Variants in IMMP2L observed in about 807,000 individuals in gnomAD.
IMMP2L encodes inner mitochondrial membrane peptidase subunit 2.
A neutral mutation model predicts 19.3 loss-of-function variants in IMMP2L; 18 were observed. The observed-to-expected ratio is 0.93, with a 90% CI of 0.64 to 1.38. IMMP2L has a LOEUF of 1.38. IMMP2L is among the 40% of genes most tolerant of loss of function. The pLI, the probability that IMMP2L is intolerant of heterozygous loss-of-function variation, is 0.00. For missense variants in IMMP2L, 233 were observed against 218.2 expected, an observed-to-expected ratio of 1.07 and a Z score of -0.43; for synonymous variants, 76 against 73.0, an observed-to-expected ratio of 1.04 and a Z score of -0.21.
intron 5 of IMMP2L, among the ~76,000 whole-genome samples, chr7:110,812,213 C>T (rs1474196331): frequency 1.3e-5 from 2 of 152,008 alleles, no homozygotes; most frequent in Non-Finnish European, 2.9e-5. Flanking sequence ...AACAGATCTG[C>T]CCTAAATTCT....
intron 3 of IMMP2L, among the ~76,000 whole-genome samples, chr7:111,075,774 T>G (rs190400383): frequency 3.3e-5 from 5 of 152,318 alleles, no homozygotes; most frequent in African/African-American, 9.6e-5. Context: ...TGCTGATGAC[T>G]TCTAAATTTA....
intron 3 of IMMP2L, among the ~76,000 whole-genome samples, chr7:111,117,229 C>G (rs940462093): frequency 2.6e-5 from 4 of 152,098 alleles, no homozygotes; most frequent in Non-Finnish European, 5.9e-5. Flanking sequence ...AGTTTACACA[C>G]ATTCAATTGT....
At chr7:110,702,900 T>C (rs1208786625) in intron 5 of IMMP2L, among the ~76,000 whole-genome samples, 1 of 152,166 alleles carries the variant, frequency 6.6e-6, no homozygotes, top group Non-Finnish European at 1.5e-5. Context: ...TCATTTCTTT[T>C]TCTTGTTGTA....
intron 3 of IMMP2L, among the ~76,000 whole-genome samples, chr7:110,984,873 C>A (rs1267171292): frequency 6.6e-6 from 1 of 152,068 alleles, no homozygotes; most frequent in South Asian, 2.1e-4. Flanking sequence ...GCTTTCATAG[C>A]AAAGGGAAAT....
chr7:111,428,358 T>C (rs1836289395), intron 3 of IMMP2L, among the ~76,000 whole-genome samples: 1 of 151,746 alleles, frequency 6.6e-6, no homozygotes, highest in Non-Finnish European at 1.5e-5. Flanking sequence ...AATTGTAATT[T>C]TTTAAAGTAA....
At chr7:111,074,992 C>T (rs1198184419) in intron 3 of IMMP2L, among the ~76,000 whole-genome samples, 8 of 151,408 alleles carry the variant, frequency 5.3e-5, no homozygotes, top group Admixed American at 5.3e-4. Context: ...TCAGCGTGGA[C>T]GGAAAAGATC....
intron 3 of IMMP2L, among the ~76,000 whole-genome samples, chr7:111,422,757 G>T (rs1439166794): frequency 6.6e-6 from 1 of 151,790 alleles, no homozygotes; most frequent in Non-Finnish European, 1.5e-5. Context: ...ACACTACGTT[G>T]AATAGGAGTG....
chr7:110,916,404 T>G (rs985051815), intron 4 of IMMP2L, among the ~76,000 whole-genome samples: 2 of 152,208 alleles, frequency 1.3e-5, no homozygotes, highest in Admixed American at 1.3e-4. Flanking sequence ...TTTCTATGTC[T>G]TCCAACTCTT....
At chr7:111,467,556 A>G (rs923216221) in intron 3 of IMMP2L, among the ~76,000 whole-genome samples, 3 of 151,974 alleles carry the variant, frequency 2.0e-5, no homozygotes, top group African/African-American at 7.3e-5. Flanking sequence ...CAATATGCCA[A>G]CTCCTGAGTT....
chr7:111,111,402 T>TC (rs1554519150), intron 3 of IMMP2L, among the ~76,000 whole-genome samples: 1,166 of 112,590 alleles, frequency 0.01, 4 homozygotes, highest in Middle Eastern at 0.017. Flanking sequence ...CTGCTTTCCA[T>TC]CCCCCCCCAA....
chr7:110,832,287 A>AT (rs1187937832), intron 5 of IMMP2L, among the ~76,000 whole-genome samples: 1 of 151,122 alleles, frequency 6.6e-6, no homozygotes, highest in Admixed American at 6.6e-5. Context: ...ACAAACAAAA[A>AT]AACCCTACTC....
intron 3 of IMMP2L, among the ~76,000 whole-genome samples, chr7:111,370,837 A>G (rs936804111): frequency 2.0e-5 from 3 of 151,976 alleles, no homozygotes; most frequent in Admixed American, 6.6e-5. Context: ...TTTAAAGATA[A>G]ATAAAATCTG....
chr7:111,024,229 A>C (rs971694881), intron 3 of IMMP2L, among the ~76,000 whole-genome samples: 1 of 152,218 alleles, frequency 6.6e-6, no homozygotes, highest in Non-Finnish European at 1.5e-5. Context: ...TAAATAGCAT[A>C]TATTTAAAGT....
At chr7:110,893,097 T>C (rs559706517) in intron 4 of IMMP2L, among the ~76,000 whole-genome samples, 2 of 152,318 alleles carry the variant, frequency 1.3e-5, no homozygotes, top group East Asian at 3.9e-4. Context: ...CACACAACTT[T>C]TTTGGTTTCC....
chr7:110,839,372 GCTAATTCA>G (rs1804820892), intron 5 of IMMP2L, among the ~76,000 whole-genome samples: 1 of 151,954 alleles, frequency 6.6e-6, no homozygotes, highest in South Asian at 2.1e-4. Flanking sequence ...GTGCTAAAAG[GCTAATTCA>G]TTTTCAACTT....
intron 3 of IMMP2L, among the ~76,000 whole-genome samples, chr7:111,307,841 T>C (rs952890461): frequency 6.6e-6 from 1 of 151,862 alleles, no homozygotes; most frequent in African/African-American, 2.4e-5. Context: ...TTCTTGTTGT[T>C]AGGTGTAAAT....
At chr7:111,191,302 C>T (rs1052662651) in intron 3 of IMMP2L, among the ~76,000 whole-genome samples, 7 of 151,974 alleles carry the variant, frequency 4.6e-5, no homozygotes, top group Admixed American at 1.3e-4. Flanking sequence ...CATTTAGCCT[C>T]ACAGAGCAAT....
At chr7:111,557,694 G>C (rs1489161110) in intron 1 of IMMP2L, among the ~76,000 whole-genome samples, 2 of 152,034 alleles carry the variant, frequency 1.3e-5, no homozygotes, top group African/African-American at 2.4e-5. Context: ...TTGAACTATT[G>C]GTCAAGATAT....
chr7:111,114,606 G>T (rs998266602), intron 3 of IMMP2L, among the ~76,000 whole-genome samples: 3 of 151,532 alleles, frequency 2.0e-5, no homozygotes, highest in Non-Finnish European at 4.4e-5. Flanking sequence ...TGTGGTGGCA[G>T]GTGCCTGTAA....
Sources: gnomAD v4.1 joint callset for allele counts (sites outside exome capture counted in the v4.1 genomes callset) on GRCh38, gnomAD v4.1.1 for gene constraint, MANE v1.5 for transcripts, NCBI Gene and HGNC (gene_info 2026-07-23, HGNC 2026-07-21) for gene names.